SMAD5: variants seen among roughly 807,000 people sequenced by gnomAD.
SMAD5 encodes SMAD family member 5, also known as MAD, mothers against decapentaplegic homolog 5.
In SMAD5, 9 loss-of-function variants were observed where a neutral mutation model predicts 43.1. The ratio of observed to expected loss-of-function variants is 0.21; its 90% CI spans 0.13 to 0.36. SMAD5 has a LOEUF of 0.36. Ranked by LOEUF, SMAD5 falls within the 10% of genes least tolerant of loss-of-function variation. SMAD5 has a pLI of 1.00. For synonymous variants in SMAD5, 190 were observed against 192.4 expected, an observed-to-expected ratio of 0.99 and a Z score of 0.10; for missense variants, 348 against 574.0, an observed-to-expected ratio of 0.61 and a Z score of 4.02.
intron 1 of SMAD5, among the ~76,000 whole-genome samples, chr5:136,146,850 A>G (rs965558772): frequency 6.6e-6 from 1 of 151,796 alleles, no homozygotes; most frequent in African/African-American, 2.4e-5. Context: ...ATAGATGAGT[A>G]AAATATGATT....
rs11318760 is a variant in SMAD5, at chr5:136,163,255, AT to A, written c.656-9del. ...GAGCAGAATGAAGATTTTAATTATT[AT>A]TTTTTTTCCTCTTAGCTGATACGCC... On this transcript the variant is annotated splice_polypyrimidine_tract_variant and intron_variant, in intron 4 of 7. Coordinates refer to ENST00000545279, the MANE Select transcript of SMAD5 (RefSeq NM_005903.7). 483,690 of 1,579,398 alleles carry A rather than the reference AT, an allele frequency of 0.31. 77,697 individuals are homozygous for A. The highest frequency in any genetic ancestry group is 0.53 in the African/African-American group (38,583 of 72,908).
At chr5:136,158,835 C>A (rs960983912) in intron 3 of SMAD5, among the ~76,000 whole-genome samples, 8 of 151,700 alleles carry the variant, frequency 5.3e-5, no homozygotes, top group Admixed American at 4.6e-4. Flanking sequence ...GGAGGTGGAG[C>A]TTGCAGTGAG....
In SMAD5 at chr5:136,138,518, G is replaced by A. The variant is rs550913479; in HGVS notation, c.-245+5556G>A. 2.6e-5 allele frequency among the ~76,000 whole-genome samples: 4 copies of A among 152,248 alleles called. No individual in the cohort carries two copies. In the East Asian group the frequency reaches 5.8e-4, roughly 22 times the overall value. ...CTTTTGGTTTCCTTCTCCTCTCTGC[G>A]TGCAGTTGTGAATGTGGCTTACAAA... On this transcript the variant is annotated intron_variant, in intron 1 of 7. Coordinates refer to ENST00000545279, the MANE Select transcript of SMAD5 (RefSeq NM_005903.7).
chr5:136,158,068 C>T (rs1753700650), intron 3 of SMAD5, among the ~76,000 whole-genome samples: 2 of 152,120 alleles, frequency 1.3e-5, no homozygotes, highest in African/African-American at 4.8e-5. Context: ...GGCCTGGAAT[C>T]AGTTTCAAAT....
At chr5:136,146,976 G>C (rs1026133050) in intron 1 of SMAD5, among the ~76,000 whole-genome samples, 1 of 151,484 alleles carries the variant, frequency 6.6e-6, no homozygotes, top group African/African-American at 2.4e-5. Flanking sequence ...ATCCTGTTAC[G>C]GGCAGTTGTG....
intron 2 of SMAD5, chr5:136,152,881 A>G (rs1295074092): frequency 1.3e-5 from 2 of 152,172 alleles, no homozygotes; most frequent in East Asian, 3.9e-4. Flanking sequence ...CAAGCTCATT[A>G]ACCAATATAA....
intron 7 of SMAD5, among the ~76,000 whole-genome samples, chr5:136,174,870 G>A (rs900095042): frequency 6.6e-6 from 1 of 151,990 alleles, no homozygotes; most frequent in Non-Finnish European, 1.5e-5. Context: ...ATTGAATAGG[G>A]GCTGAGATTA....
intron 3 of SMAD5, among the ~76,000 whole-genome samples, chr5:136,154,692 C>T (rs1056061333): frequency 3.3e-5 from 5 of 152,110 alleles, no homozygotes; most frequent in African/African-American, 1.2e-4. Flanking sequence ...AGAGGATTCT[C>T]CATTTTTATT....
intron 1 of SMAD5, among the ~76,000 whole-genome samples, chr5:136,139,245 C>T (rs908932062): frequency 6.6e-5 from 10 of 151,322 alleles, no homozygotes. Flanking sequence ...GAAAGTTGGT[C>T]AGGATGTAGT....
intron 5 of SMAD5, among the ~76,000 whole-genome samples, chr5:136,169,082 C>A (rs1166852876): frequency 1.3e-5 from 2 of 152,118 alleles, no homozygotes; most frequent in African/African-American, 4.8e-5. Context: ...AGCCCAAAAC[C>A]TCAAAAGTAG....
chr5:136,169,662 G>A (rs193261693), intron 5 of SMAD5, among the ~76,000 whole-genome samples: 104 of 152,254 alleles, frequency 6.8e-4, no homozygotes, highest in Non-Finnish European at 1.3e-3. Context: ...AAATTTTATG[G>A]TAGGAGTATG....
rs900954678 is a variant in SMAD5, at chr5:136,180,099, C to T, written c.*2619C>T. ...GCCTGTTGTATCTCCTAAAAGTTGTCAACTCCCCACCCTTGGACTTTAAAT... is the reference window on the plus strand; with the variant it reads ...GCCTGTTGTATCTCCTAAAAGTTGTTAACTCCCCACCCTTGGACTTTAAAT... On this transcript the variant is annotated 3_prime_UTR_variant, in exon 8 of 8. Coordinates refer to ENST00000545279, the MANE Select transcript of SMAD5 (RefSeq NM_005903.7). The T allele has an allele frequency of 3.3e-5, 5 of 152,150 alleles. No homozygotes were observed. The South Asian group carries it at 6.2e-4, about 19-fold the overall frequency. 9.4% of individuals were successfully genotyped at this position (152,150 alleles called of 1,614,324 possible).
intron 1 of SMAD5, among the ~76,000 whole-genome samples, chr5:136,146,865 C>T (rs1753273617): frequency 6.6e-6 from 1 of 151,396 alleles, no homozygotes; most frequent in African/African-American, 2.4e-5. Context: ...ATGATTGCAC[C>T]ATTAAAGGCA....
At chr5:136,161,582 G>A (rs115930791) in intron 4 of SMAD5, among the ~76,000 whole-genome samples, 3,122 of 152,326 alleles carry the variant, frequency 0.02, 43 homozygotes, top group Non-Finnish European at 0.03. Context: ...CCTTTACTGT[G>A]TGGCTTTTCA....
intron 7 of SMAD5, 84 bp from the exon 8 acceptor site, chr5:136,177,253 C>T (rs961685763): frequency 8.5e-7 from 1 of 1,172,518 alleles, no homozygotes. Context: ...CTGTTAAAAG[C>T]TATCTTTTTC....
chr5:136,173,594 CAGT>C (rs1158473747), intron 6 of SMAD5, among the ~76,000 whole-genome samples: 3 of 151,692 alleles, frequency 2.0e-5, no homozygotes, highest in African/African-American at 7.3e-5. Context: ...TCTTCCATCA[CAGT>C]AGAAGTAATT....
intron 1 of SMAD5, among the ~76,000 whole-genome samples, chr5:136,145,061 A>T (rs1022754726): frequency 3.9e-5 from 6 of 151,946 alleles, no homozygotes; most frequent in African/African-American, 1.4e-4. Context: ...GGAGCATCAG[A>T]AAGGACTTTG....
chr5:136,172,436 G>A lies in SMAD5; in HGVS notation c.778G>A (p.Val260Ile), dbSNP rs1754261358. The A allele has an allele frequency of 1.3e-6, 2 of 1,587,038 alleles. No individual in the cohort carries two copies. Among genetic ancestry groups the A allele is most frequent in the South Asian group, 1.1e-5 (1 of 89,954 alleles). Residue 260 changes from valine to isoleucine, a missense_variant and splice_region_variant, in exon 6 of 8, where the codon GTT (valine) becomes ATT (isoleucine). Transcript: ENST00000545279. ...QIMPSISSRD[V>I]QPVAYEEPKH... ...TTCTGTGTCTGGTTTGTTCACAGAT[G>A]TTCAGCCTGTTGCCTATGAAGAGCC... is the stretch of plus-strand genomic sequence containing the variant.
At chr5:136,160,327 A>G (rs114183234) in intron 3 of SMAD5, among the ~76,000 whole-genome samples, 263 of 152,328 alleles carry the variant, frequency 1.7e-3, no homozygotes, top group Non-Finnish European at 2.9e-3. Context: ...GGGCATTCAC[A>G]TAACAGATTC....
Sources: gnomAD v4.1 joint callset for allele counts (sites outside exome capture counted in the v4.1 genomes callset) on GRCh38, gnomAD v4.1.1 for gene constraint, MANE v1.5 for transcripts, NCBI Gene and HGNC (gene_info 2026-07-23, HGNC 2026-07-21) for gene names.